The following VPS13C variants were observed in gnomAD, a reference collection of about 807,000 sequenced individuals.
VPS13C encodes intermembrane lipid transfer protein VPS13C.
A neutral mutation model predicts 456.8 loss-of-function variants in VPS13C; 358 were observed. The ratio of observed to expected loss-of-function variants is 0.78; its 90% CI spans 0.72 to 0.86. The LOEUF (loss-of-function observed/expected upper bound fraction) is 0.86. Ranked by LOEUF, VPS13C falls within the 40% of genes least tolerant of loss-of-function variation. VPS13C has a pLI of 0.00. For synonymous variants in VPS13C, 1,578 were observed against 1,486.7 expected, an observed-to-expected ratio of 1.06 and a Z score of -1.41; for missense variants, 4,818 against 4,385.4, an observed-to-expected ratio of 1.10 and a Z score of -2.79.
In VPS13C at chr15:61,873,285, A is replaced by C; in HGVS notation, c.10539T>G (p.Phe3513Leu). The C allele has an allele frequency of 1.9e-6, 3 of 1,613,700 alleles. No individual in the cohort carries two copies. The highest frequency in any genetic ancestry group is 2.5e-6 in the Non-Finnish European group (3 of 1,179,712). The change falls in exon 78 of 85, where the codon TTT becomes TTG. Residue 3513 changes from phenylalanine (F) to leucine (L), a missense_variant. Phe to Leu is a conservative substitution (Grantham distance 22). Around this residue, in one of 3 missense-constraint regions of VPS13C, gnomAD observed 4,552 missense variants for 4,130.6 expected, o/e 1.10. Coordinates refer to ENST00000644861, the MANE Select transcript of VPS13C (RefSeq NM_020821.3). Reference protein sequence around the residue: ...REELSRQPRDFGDSLARGGKG... With the variant: ...REELSRQPRDLGDSLARGGKG... ...TTCCTCCTCTGGCCAGGCTGTCTCC[A>C]AAATCTCTGGGCTGTCGACTCAACT...
At chr15:61,866,008 C>G (rs1435476847) in intron 81 of VPS13C, 3 of 983,656 alleles carry the variant, frequency 3.0e-6, no homozygotes, top group Non-Finnish European at 3.6e-6. Flanking sequence ...CTTTTATACT[C>G]TAATACTCTT....
chr15:61,952,111 T>C (rs1189444619), intron 38 of VPS13C, 131 bp from the exon 39 acceptor site: 1 of 1,076,646 alleles, frequency 9.3e-7, no homozygotes, highest in African/African-American at 1.6e-5. Context: ...TACTTCTATT[T>C]GTGCCTGCAG....
intron 71 of VPS13C, 126 bp downstream of exon 71, chr15:61,881,437 G>C (rs1895840747): frequency 1.1e-6 from 1 of 916,894 alleles, no homozygotes; most frequent in South Asian, 2.3e-5. Flanking sequence ...GACCAAAAGT[G>C]AATTAATAGG....
intron 64 of VPS13C, among the ~76,000 whole-genome samples, chr15:61,909,336 T>C (rs564579380): frequency 7.0e-4 from 107 of 152,322 alleles, no homozygotes; most frequent in African/African-American, 2.6e-3. Flanking sequence ...GCCTTCCGAA[T>C]AGCTGGGATT....
rs551859167 is a variant in VPS13C at position 61,878,730 on chromosome 15, G to C, written c.10019C>G (p.Ser3340Cys). Residue 3340 changes from serine to cysteine, a missense_variant, in exon 74 of 85, where the codon TCT (serine) becomes TGT (cysteine). Transcript: ENST00000644861. ...TGATTCTTCACCTCCGGAACCCAAA[G>C]ACAAACTCAAATGCAACTAAAAGAA... The part of the protein sequence containing the change: ...ISPVKLHLSL[S>C]LGSGGEESDK... 1 of 1,604,504 alleles carries C rather than the reference G, an allele frequency of 6.2e-7. No individual in the cohort carries two copies. Among genetic ancestry groups the C allele is most frequent in the East Asian group, 2.2e-5 (1 of 44,628 alleles).
At chr15:61,923,516 T>G (rs1447540137) in intron 53 of VPS13C, among the ~76,000 whole-genome samples, 3 of 152,078 alleles carry the variant, frequency 2.0e-5, no homozygotes, top group African/African-American at 4.8e-5. Context: ...CCCATAATTT[T>G]TTTATCCCAC....
At chr15:61,886,498 A>T (rs531191008) in intron 67 of VPS13C, among the ~76,000 whole-genome samples, 2 of 152,148 alleles carry the variant, frequency 1.3e-5, no homozygotes, top group Non-Finnish European at 1.5e-5. Flanking sequence ...TCAGTAAAAT[A>T]AAAAATGCTG....
Position 61,962,774 on chromosome 15 carries a change from A to G in VPS13C, c.3410T>C (p.Val1137Ala). 7 of 1,606,302 alleles carry G rather than the reference A, an allele frequency of 4.4e-6. No individual in the cohort carries two copies. Among genetic ancestry groups the G allele is most frequent in the Non-Finnish European group, 6.0e-6 (7 of 1,175,120 alleles). ...ARLENIIVTD[V>A]DPKTVHKKAV... ...TTTCTTATGAACTGTCTTTGGATCA[A>G]CATCTGTGACAATAATATTTTCTAG... The change falls in exon 33 of 85, where the codon GTT becomes GCT. Residue 1137 changes from valine to alanine, a missense_variant. By Grantham distance (64) the Val-to-Ala change is moderately conservative. This residue lies in a region of VPS13C where 4,552 missense variants were observed against 4,130.6 expected (regional missense o/e 1.10). Coordinates refer to ENST00000644861, the MANE Select transcript of VPS13C (RefSeq NM_020821.3).
intron 47 of VPS13C, among the ~76,000 whole-genome samples, chr15:61,939,993 CAA>C (rs1166194792): frequency 7.4e-5 from 7 of 94,264 alleles, no homozygotes; most frequent in Admixed American, 1.2e-4. Context: ...GACTCCGTCT[CAA>C]AAAAAAAAAA....
chr15:61,873,681 C>A (rs1895199937), intron 77 of VPS13C, among the ~76,000 whole-genome samples: 1 of 151,628 alleles, frequency 6.6e-6, no homozygotes, highest in South Asian at 2.1e-4. Context: ...CAAACGCTGT[C>A]AAAGAAGTGG....
At chr15:62,030,202 G>T (rs879269938) in intron 5 of VPS13C, among the ~76,000 whole-genome samples, 23 of 152,184 alleles carry the variant, frequency 1.5e-4, no homozygotes, top group Middle Eastern at 3.4e-3. Flanking sequence ...TTACATAGAA[G>T]ACTAAGCAAA....
At chr15:61,975,128 G>C (rs1231181742) in intron 24 of VPS13C, among the ~76,000 whole-genome samples, 1 of 152,060 alleles carries the variant, frequency 6.6e-6, no homozygotes, top group African/African-American at 2.4e-5. Context: ...GTACAGTAAA[G>C]CACTGTAGAG....
intron 8 of VPS13C, among the ~76,000 whole-genome samples, chr15:62,021,731 C>T (rs1299224558): frequency 6.6e-6 from 1 of 151,832 alleles, no homozygotes; most frequent in African/African-American, 2.4e-5. Flanking sequence ...TAATTAACAT[C>T]AGATATACAA....
intron 9 of VPS13C, among the ~76,000 whole-genome samples, chr15:62,016,066 G>C (rs2047236715): frequency 6.8e-6 from 1 of 146,916 alleles, no homozygotes; most frequent in African/African-American, 2.5e-5. Flanking sequence ...TCAATGCGAT[G>C]TGTATCTCTA....
Position 62,013,979 on chromosome 15 carries a change from T to C in VPS13C, c.698A>G (p.His233Arg), listed in dbSNP as rs761715917. The C allele has an allele frequency of 1.9e-6, 3 of 1,610,418 alleles. No individual in the cohort carries two copies. The highest frequency in any genetic ancestry group is 2.5e-6 in the Non-Finnish European group (3 of 1,177,884). The change falls in exon 10 of 85, where the codon CAC (histidine) becomes CGC (arginine). Residue 233 changes from histidine (H) to arginine (R), a missense_variant. Around this residue, in one of 3 missense-constraint regions of VPS13C, gnomAD observed 4,552 missense variants for 4,130.6 expected, o/e 1.10. Coordinates refer to ENST00000644861, the MANE Select transcript of VPS13C (RefSeq NM_020821.3). Reference protein sequence around the residue: ...GELSLLTANEHWTPCILNEAD... With the variant: ...GELSLLTANERWTPCILNEAD... The stretch of plus-strand genomic sequence containing the variant: ...TTCATTTAATATGCATGGAGTCCAG[T>C]GTTCATTTGCAGTCTAAAAGAAAAA...
At chr15:61,940,871 T>G in intron 46 of VPS13C, 77 bp from the exon 47 acceptor site, 1 of 1,400,836 alleles carries the variant, frequency 7.1e-7, no homozygotes, top group Non-Finnish European at 9.6e-7. Flanking sequence ...GTGTAACAGT[T>G]TCCACACAGC....
At chr15:61,967,733 A>G (rs992889856) in intron 28 of VPS13C, among the ~76,000 whole-genome samples, 2 of 152,030 alleles carry the variant, frequency 1.3e-5, no homozygotes, top group Admixed American at 1.3e-4. Context: ...TATTAAAGAA[A>G]TTTAAATAAT....
Position 62,013,948 on chromosome 15 carries a change from G to C in VPS13C, c.729C>G (p.Asp243Glu). The change falls in exon 10 of 85, where the codon GAC becomes GAG. Residue 243 changes from aspartate (D) to glutamate (E), a missense_variant. Around this residue, in one of 3 missense-constraint regions of VPS13C, gnomAD observed 4,552 missense variants for 4,130.6 expected, o/e 1.10. Transcript: ENST00000644861. ...HWTPCILNEADKIIYKLIRLD... is the reference protein window; with the variant it reads ...HWTPCILNEAEKIIYKLIRLD... ...AACATAATACCTTGTATATAATTTTGTCTGCTTCATTTAATATGCATGGAG... is the reference window on the plus strand; with the variant it reads ...AACATAATACCTTGTATATAATTTTCTCTGCTTCATTTAATATGCATGGAG... 6.2e-7 allele frequency: 1 copy of C among 1,608,530 alleles called. No homozygotes were observed. The highest frequency in any genetic ancestry group is 8.5e-7 in the Non-Finnish European group (1 of 1,177,052).
At chr15:61,978,802 CATCAACATACTTT>C in intron 22 of VPS13C, 53 bp from the exon 23 acceptor site, 1 of 1,533,648 alleles carries the variant, frequency 6.5e-7, no homozygotes, top group South Asian at 1.3e-5. Flanking sequence ...AAAGCACATA[CATCAACATACTTT>C]AGTTAGGTTT....
Sources: gnomAD v4.1 joint callset for allele counts (sites outside exome capture counted in the v4.1 genomes callset) on GRCh38, gnomAD v4.1.1 for gene constraint, gnomAD v4.1.1 regional missense constraint, MANE v1.5 for transcripts, NCBI Gene and HGNC (gene_info 2026-07-23, HGNC 2026-07-21) for gene names.